SLC15A5: variants seen among roughly 807,000 people sequenced by gnomAD.
SLC15A5 encodes solute carrier family 15 member 5, also known as Peptide/histidine transporter ENSP00000340402.
SLC15A5 carries 58 observed loss-of-function variants against 56.1 expected under a neutral mutation model. The ratio of observed to expected loss-of-function variants is 1.03; its 90% CI spans 0.84 to 1.29. The LOEUF (loss-of-function observed/expected upper bound fraction) is 1.29, where lower values mean the gene tolerates loss of function less well. SLC15A5 is among the 50% of genes most tolerant of loss of function. SLC15A5 has a pLI of 0.00. For missense variants in SLC15A5, 681 were observed against 672.1 expected (o/e 1.01, Z -0.15); for synonymous variants, 264 against 250.5 (o/e 1.05, Z -0.51).
chr12:16,194,793 A>C (rs1863877981), intron 7 of SLC15A5, among the ~76,000 whole-genome samples: 1 of 152,072 alleles, frequency 6.6e-6, no homozygotes, highest in South Asian at 2.1e-4. Flanking sequence ...TGTAGTATTT[A>C]GAACAGTGCC....
intron 7 of SLC15A5, among the ~76,000 whole-genome samples, chr12:16,215,945 T>G (rs748961222): frequency 1.3e-5 from 2 of 152,168 alleles, no homozygotes; most frequent in South Asian, 2.1e-4. Context: ...TGGAATAGAA[T>G]GGGTCCTTGA....
chr12:16,189,820 A>G lies in SLC15A5; in HGVS notation c.1593-5T>C. On this transcript the variant is annotated splice_polypyrimidine_tract_variant and splice_region_variant and intron_variant, in intron 8 of 8. Transcript: ENST00000344941. ...AAATGATTTAGATTACAATATCTAA[A>G]AAAGAAAGAAAGAAAGCTTTTCTTA... is the stretch of plus-strand genomic sequence containing the variant. 1 of 1,474,276 alleles carries G rather than the reference A, an allele frequency of 6.8e-7. No homozygotes were observed. Among genetic ancestry groups the G allele is most frequent in the Non-Finnish European group, 9.0e-7 (1 of 1,117,212 alleles). 91.3% of individuals were successfully genotyped at this position (1,474,276 alleles called of 1,614,324 possible). A position where few individuals can be genotyped will look rare whatever the true frequency, so the allele number is the denominator to read the frequency against.
In SLC15A5 at chr12:16,224,467, A is replaced by C; in HGVS notation, c.1298T>G (p.Leu433Arg). The change falls in exon 6 of 9, where the codon CTG becomes CGG. Residue 433 changes from leucine (L) to arginine (R), a missense_variant. Physicochemically the swap from Leu to Arg is moderately radical, Grantham distance 102 (BLOSUM62 -2). Transcript: ENST00000344941. ...TCCAAGTAAAACATACTGAAGAATC[A>C]GGTAGAAACAGGGCATGGAGGAAAC... ...LTVSSMPCFY[L>R]ILQYVLLGVA... The C allele has an allele frequency of 6.5e-7, 1 of 1,537,274 alleles. No homozygotes were observed. Among genetic ancestry groups the C allele is most frequent in the Non-Finnish European group, 8.7e-7 (1 of 1,146,890 alleles).
chr12:16,202,884 C>T (rs1217117772), intron 7 of SLC15A5, among the ~76,000 whole-genome samples: 2 of 152,018 alleles, frequency 1.3e-5, no homozygotes, highest in East Asian at 3.9e-4. Flanking sequence ...ACCATATCAT[C>T]TCACTTATAT....
In SLC15A5 at chr12:16,205,554, A is replaced by G. The variant is rs1422335438; in HGVS notation, c.1484-11101T>C. The stretch of plus-strand genomic sequence containing the variant: ...GGTGCATATATATATATGTATATAT[A>G]TATATTCCATAAGAAGGGAAAGGTG... On this transcript the variant is annotated intron_variant, in intron 7 of 8. Transcript: ENST00000344941. Among the ~76,000 whole-genome samples the G allele has an allele frequency of 6.8e-3, 7 of 1,032 alleles. 1 individual carries two copies. The highest frequency in any genetic ancestry group is 0.025 in the Non-Finnish European group (7 of 276). 0.7% of individuals were successfully genotyped at this position (1,032 alleles called of 152,430 possible).
At chr12:16,277,254 T>C (rs1854913634) in intron 1 of SLC15A5, 71 bp downstream of exon 1, 1 of 1,371,564 alleles carries the variant, frequency 7.3e-7, no homozygotes, top group African/African-American at 1.5e-5. Flanking sequence ...GAAAATAATA[T>C]AAACTAAAAA....
chr12:16,204,318 A>G (rs7972353), intron 7 of SLC15A5, among the ~76,000 whole-genome samples: 79,473 of 151,448 alleles, frequency 0.52, 21,268 homozygotes, highest in South Asian at 0.73. Context: ...TTAGCCTGGC[A>G]TGGTGGCAGA....
intron 5 of SLC15A5, among the ~76,000 whole-genome samples, chr12:16,227,272 G>C (rs1320305794): frequency 6.6e-6 from 1 of 152,114 alleles, no homozygotes; most frequent in Non-Finnish European, 1.5e-5. Flanking sequence ...CTGATTTTAA[G>C]ACCAAATTCA....
chr12:16,245,307 T>G (rs1264132699), intron 3 of SLC15A5, among the ~76,000 whole-genome samples: 1 of 152,208 alleles, frequency 6.6e-6, no homozygotes, highest in Non-Finnish European at 1.5e-5. Flanking sequence ...TCCTTGGATT[T>G]AGAAATAAGG....
chr12:16,225,092 G>A (rs1452696119), intron 5 of SLC15A5, among the ~76,000 whole-genome samples: 1 of 152,126 alleles, frequency 6.6e-6, no homozygotes, highest in South Asian at 2.1e-4. Context: ...ATTCCATGGT[G>A]TATATGTGCC....
intron 4 of SLC15A5, among the ~76,000 whole-genome samples, chr12:16,241,665 G>A (rs1024919493): frequency 2.6e-5 from 4 of 152,122 alleles, no homozygotes; most frequent in African/African-American, 4.8e-5. Flanking sequence ...CCCCATCGGA[G>A]GAAAATGAAT....
intron 7 of SLC15A5, among the ~76,000 whole-genome samples, chr12:16,208,109 C>CA (rs35971101): frequency 0.53 from 80,048 of 151,912 alleles, 21,504 homozygotes; most frequent in South Asian, 0.74. Flanking sequence ...TGGGGGGTGC[C>CA]ACAGGAAGGC....
intron 7 of SLC15A5, among the ~76,000 whole-genome samples, chr12:16,207,905 A>G (rs11056824): frequency 0.53 from 80,217 of 151,940 alleles, 21,609 homozygotes; most frequent in South Asian, 0.74. Context: ...TGCCCACCTC[A>G]GCCTCCCAAA....
At chr12:16,210,290 A>T (rs1185887954) in intron 7 of SLC15A5, among the ~76,000 whole-genome samples, 1 of 152,152 alleles carries the variant, frequency 6.6e-6, no homozygotes, top group Non-Finnish European at 1.5e-5. Context: ...TGCCATGCGT[A>T]GGAGGCTTCA....
At chr12:16,218,426 G>T (rs2417546) in intron 6 of SLC15A5, among the ~76,000 whole-genome samples, 93,612 of 152,012 alleles carry the variant, frequency 0.62, 29,128 homozygotes, top group South Asian at 0.76. Flanking sequence ...GGCTTAATGA[G>T]GGAGATATGT....
Position 16,194,419 on chromosome 12 carries a change from A to G in SLC15A5, c.1518T>C (p.Asn506=), listed in dbSNP as rs181520700. 2.0e-6 allele frequency: 3 copies of G among 1,535,342 alleles called. No homozygotes were observed. In the African/African-American group the frequency reaches 4.1e-5, roughly 21 times the overall value. ...CCAGGAAGAAGAAGAAGCTTTCTAA[A>G]TTGCCTTTGTTTAATGTGTTTGGAA... The part of the protein sequence containing the change: ...NWFPNTLNKG[N]LESFFFFLAS... Residue 506 remains asparagine (N), a synonymous_variant, in exon 8 of 9, where the codon AAT becomes AAC. Coordinates refer to ENST00000344941, the MANE Select transcript of SLC15A5 (RefSeq NM_001170798.1).
At chr12:16,226,150 A>G (rs1864239372) in intron 5 of SLC15A5, among the ~76,000 whole-genome samples, 1 of 152,210 alleles carries the variant, frequency 6.6e-6, no homozygotes, top group Non-Finnish European at 1.5e-5. Flanking sequence ...ATTTATTTGC[A>G]CATAACCTAT....
At chr12:16,208,175 C>G (rs1864040036) in intron 7 of SLC15A5, among the ~76,000 whole-genome samples, 1 of 152,170 alleles carries the variant, frequency 6.6e-6, no homozygotes, top group African/African-American at 2.4e-5. Context: ...TGCCTATCTT[C>G]TCCTTTCTCT....
At chr12:16,230,797 C>A (rs1395319562) in intron 5 of SLC15A5, among the ~76,000 whole-genome samples, 2 of 150,432 alleles carry the variant, frequency 1.3e-5, no homozygotes, top group African/African-American at 4.9e-5. Context: ...GTGGTGGGCA[C>A]CTGTAGTCCC....
Sources: gnomAD v4.1 joint callset for allele counts (sites outside exome capture counted in the v4.1 genomes callset) on GRCh38, gnomAD v4.1.1 for gene constraint, MANE v1.5 for transcripts, NCBI Gene and HGNC (gene_info 2026-07-23, HGNC 2026-07-21) for gene names.